The following PMFBP1 variants were observed in gnomAD, a reference collection of about 807,000 sequenced individuals.
PMFBP1 encodes polyamine modulated factor 1 binding protein 1, also known as polyamine-modulated factor 1-binding protein 1.
In PMFBP1, 131 loss-of-function variants were observed where a neutral mutation model predicts 137.8. That is an observed-to-expected ratio of 0.95 (90% CI 0.82 to 1.10). The LOEUF (loss-of-function observed/expected upper bound fraction) is 1.10. Among genes scored for constraint, PMFBP1 ranks in the 50% least tolerant of loss-of-function variants. The pLI is 0.00. For synonymous variants in PMFBP1, 490 were observed against 450.4 expected, an observed-to-expected ratio of 1.09 and a Z score of -1.11; for missense variants, 1,199 against 1,175.4, an observed-to-expected ratio of 1.02 and a Z score of -0.29.
chr16:72,131,822 A>G (rs993094078), intron 10 of PMFBP1, among the ~76,000 whole-genome samples: 1 of 152,190 alleles, frequency 6.6e-6, no homozygotes, highest in African/African-American at 2.4e-5. Context: ...TTGATAAGTA[A>G]TTCATATAAC....
the PMFBP1 span, among the ~76,000 whole-genome samples, chr16:72,237,892 G>A: frequency 6.6e-6 from 1 of 152,150 alleles, no homozygotes; most frequent in Non-Finnish European, 1.5e-5. Context: ...GTGAGAACAT[G>A]TGGTATTTGG....
chr16:72,141,979 A>G lies in PMFBP1; in HGVS notation c.637-1397T>C, dbSNP rs187459914. Among the ~76,000 whole-genome samples the G allele has an allele frequency of 8.6e-5, 13 of 151,216 alleles. No homozygotes were observed. In the East Asian group the frequency reaches 2.5e-3, roughly 29 times the overall value. On this transcript the variant is annotated intron_variant, in intron 5 of 20. Transcript: ENST00000237353. Reference sequence around the variant, plus strand: ...GTTACTGCCCTCTTATTGGTTCACAATCATAAGGGGGTAAATTGATATACA... The same window carrying G: ...GTTACTGCCCTCTTATTGGTTCACAGTCATAAGGGGGTAAATTGATATACA...
chr16:72,147,253 G>A (rs2042822699), intron 5 of PMFBP1, among the ~76,000 whole-genome samples: 1 of 152,116 alleles, frequency 6.6e-6, no homozygotes, highest in South Asian at 2.1e-4. Context: ...TGACAAACCT[G>A]ACAAAAACAA....
intron 2 of PMFBP1, among the ~76,000 whole-genome samples, chr16:72,167,929 T>A (rs2043168760): frequency 6.6e-6 from 1 of 152,172 alleles, no homozygotes; most frequent in Non-Finnish European, 1.5e-5. Context: ...CTCAGGACAA[T>A]AAAAATATCC....
At chr16:72,154,584 C>G in intron 3 of PMFBP1, 125 bp from the exon 4 acceptor site, 1 of 1,101,276 alleles carries the variant, frequency 9.1e-7, no homozygotes, top group Non-Finnish European at 1.3e-6. Context: ...ATCTTTTCAT[C>G]TACAGAGATC....
At position 72,120,014 on chromosome 16, in the gene PMFBP1, C is replaced by T. The variant is rs765232123; in HGVS notation, c.2844G>A (p.Met948Ile). Residue 948 changes from methionine (M) to isoleucine (I), a missense_variant, in exon 20 of 21, where the codon ATG becomes ATA. Physicochemically the swap from Met to Ile is conservative, Grantham distance 10. Transcript: ENST00000237353. ...TGCATAGCCTTGTGTTCTCGGCTTT[C>T]ATCTTCTTCTCTTCTATCTCCTTCT... ...KLKKEIEEKKMKAENTRLCTK... is the reference protein window; with the variant it reads ...KLKKEIEEKKIKAENTRLCTK... 2 of 1,614,180 alleles carry T rather than the reference C, an allele frequency of 1.2e-6. No individual in the cohort carries two copies. Among genetic ancestry groups the T allele is most frequent in the Admixed American group, 1.7e-5 (1 of 60,028 alleles).
At chr16:72,195,869 G>T in the PMFBP1 span, among the ~76,000 whole-genome samples, 1 of 152,194 alleles carries the variant, frequency 6.6e-6, no homozygotes, top group Non-Finnish European at 1.5e-5. Flanking sequence ...AGGGCCTGCA[G>T]GTCTGCAATC....
chr16:72,123,695 G>T (rs1367982555), intron 17 of PMFBP1, 46 bp from the exon 18 acceptor site: 2 of 1,537,970 alleles, frequency 1.3e-6, no homozygotes, highest in South Asian at 1.1e-5. Flanking sequence ...GGGAGCACAG[G>T]CCTGTCAGCC....
At chr16:72,242,863 T>C in the PMFBP1 span, among the ~76,000 whole-genome samples, 1 of 152,132 alleles carries the variant, frequency 6.6e-6, no homozygotes, top group Non-Finnish European at 1.5e-5. Flanking sequence ...ATCAAGCATG[T>C]GTGTGTTTGT....
chr16:72,129,916 A>G (rs1345435070), intron 12 of PMFBP1, among the ~76,000 whole-genome samples: 1 of 152,098 alleles, frequency 6.6e-6, no homozygotes, highest in Non-Finnish European at 1.5e-5. Flanking sequence ...GTGCGATCAC[A>G]GCTCACTGAA....
chr16:72,117,112 CTTAATA>C (rs1260335732), downstream of PMFBP1, among the ~76,000 whole-genome samples: 7 of 150,506 alleles, frequency 4.7e-5, no homozygotes, highest in East Asian at 1.9e-4. Context: ...ATACTGACAT[CTTAATA>C]TTAAGTCTTT....
At chr16:72,227,223 C>T in the PMFBP1 span, among the ~76,000 whole-genome samples, 2 of 152,148 alleles carry the variant, frequency 1.3e-5, no homozygotes, top group Admixed American at 1.3e-4. Flanking sequence ...TAATAATTAG[C>T]ATGCTGATTC....
chr16:72,181,623 A>G (rs969419886), upstream of PMFBP1, among the ~76,000 whole-genome samples: 6 of 152,330 alleles, frequency 3.9e-5, no homozygotes, highest in Admixed American at 2.0e-4. Flanking sequence ...ATCGTCCTTC[A>G]TTATAAAAGA....
At chr16:72,148,521 A>G (rs1213342589) in intron 5 of PMFBP1, among the ~76,000 whole-genome samples, 1 of 152,192 alleles carries the variant, frequency 6.6e-6, no homozygotes, top group Non-Finnish European at 1.5e-5. Flanking sequence ...AAGTAGAATA[A>G]TAAAAAATAA....
At chr16:72,189,292 AG>A in the PMFBP1 span, among the ~76,000 whole-genome samples, 2 of 152,232 alleles carry the variant, frequency 1.3e-5, no homozygotes, top group Non-Finnish European at 2.9e-5. Flanking sequence ...ATCTTGCTCC[AG>A]AGTCCATGCC....
chr16:72,206,403 G>C, the PMFBP1 span, among the ~76,000 whole-genome samples: 32 of 152,186 alleles, frequency 2.1e-4, no homozygotes, highest in Admixed American at 2.0e-3. Context: ...CTCACTCGTG[G>C]CCATGACATC....
chr16:72,147,710 G>GC (rs2042832174), intron 5 of PMFBP1, among the ~76,000 whole-genome samples: 1 of 152,092 alleles, frequency 6.6e-6, no homozygotes, highest in Admixed American at 6.5e-5. Context: ...AATGGGCAAA[G>GC]GATATGAACA....
chr16:72,123,034 C>A, intron 18 of PMFBP1, 46 bp from the exon 19 acceptor site: 1 of 1,559,868 alleles, frequency 6.4e-7, no homozygotes, highest in East Asian at 2.2e-5. Flanking sequence ...CGCCAGCCTC[C>A]CGCGAGCAAG....
At chr16:72,245,876 ACTCT>A in the PMFBP1 span, among the ~76,000 whole-genome samples, 1 of 151,914 alleles carries the variant, frequency 6.6e-6, no homozygotes, top group Non-Finnish European at 1.5e-5. Flanking sequence ...CCAGCATGAC[ACTCT>A]CTATTTCTTT....
Sources: allele counts gnomAD v4.1 joint callset (sites outside exome capture counted in the v4.1 genomes callset), GRCh38; gene constraint gnomAD v4.1.1; transcripts MANE v1.5; gene names NCBI Gene and HGNC (gene_info 2026-07-23, HGNC 2026-07-21).